RIT2: variants seen among roughly 807,000 people sequenced by gnomAD.
RIT2 encodes GTP-binding protein Rit2.
Under a neutral mutation model 23.7 loss-of-function variants are expected in RIT2, and 24 were observed. The ratio of observed to expected loss-of-function variants is 1.01; its 90% CI spans 0.73 to 1.43. The LOEUF (loss-of-function observed/expected upper bound fraction) is 1.43. Among genes scored for constraint, RIT2 ranks in the 40% most tolerant of loss-of-function variants. The pLI is 0.00. For missense variants in RIT2, 236 were observed against 266.9 expected, an observed-to-expected ratio of 0.88 and a Z score of 0.81; for synonymous variants, 107 against 91.1, an observed-to-expected ratio of 1.17 and a Z score of -0.99.
intron 2 of RIT2, among the ~76,000 whole-genome samples, chr18:42,981,779 A>G (rs946305360): frequency 3.3e-5 from 5 of 152,218 alleles, no homozygotes; most frequent in African/African-American, 1.2e-4. Flanking sequence ...TAAAATAAGC[A>G]ATAATAACAT....
chr18:42,869,361 C>A (rs1167576061), intron 4 of RIT2, among the ~76,000 whole-genome samples: 1 of 152,214 alleles, frequency 6.6e-6, no homozygotes, highest in Non-Finnish European at 1.5e-5. Flanking sequence ...TGCCCCACTG[C>A]TCATCTCCTG....
chr18:43,082,406 C>G (rs1913178414), intron 1 of RIT2, among the ~76,000 whole-genome samples: 2 of 152,134 alleles, frequency 1.3e-5, no homozygotes, highest in East Asian at 1.9e-4. Flanking sequence ...GATACCAAAA[C>G]CTAGCAGAGA....
At chr18:42,865,575 C>T (rs925183686) in intron 4 of RIT2, among the ~76,000 whole-genome samples, 7 of 151,888 alleles carry the variant, frequency 4.6e-5, no homozygotes, top group African/African-American at 4.8e-5. Context: ...GGACAACAAG[C>T]GCAAAAAATC....
At chr18:42,810,628 T>C (rs954576818) in intron 4 of RIT2, among the ~76,000 whole-genome samples, 1 of 151,960 alleles carries the variant, frequency 6.6e-6, no homozygotes, top group Non-Finnish European at 1.5e-5. Flanking sequence ...CTCACTGACC[T>C]CACTATAAAT....
chr18:42,785,206 T>G (rs1913896164), intron 4 of RIT2, among the ~76,000 whole-genome samples: 1 of 152,128 alleles, frequency 6.6e-6, no homozygotes, highest in Non-Finnish European at 1.5e-5. Flanking sequence ...ATTTTTGAAT[T>G]TCTAAAAGAT....
At chr18:42,788,086 A>G (rs1913962106) in intron 4 of RIT2, among the ~76,000 whole-genome samples, 1 of 152,088 alleles carries the variant, frequency 6.6e-6, no homozygotes, top group Non-Finnish European at 1.5e-5. Context: ...ATATGTTAAC[A>G]TAAATAACTT....
At chr18:42,982,725 A>G (rs548373484) in intron 2 of RIT2, among the ~76,000 whole-genome samples, 1 of 152,222 alleles carries the variant, frequency 6.6e-6, no homozygotes, top group African/African-American at 2.4e-5. Context: ...GTGTCTTTTG[A>G]GATTATTATC....
intron 2 of RIT2, among the ~76,000 whole-genome samples, chr18:42,986,156 C>T (rs1394983742): frequency 1.3e-5 from 2 of 151,348 alleles, no homozygotes; most frequent in African/African-American, 2.4e-5. Context: ...TCTCCTGCCT[C>T]GGCCTCCTGA....
intron 4 of RIT2, among the ~76,000 whole-genome samples, chr18:42,854,615 C>A (rs1215935828): frequency 1.3e-5 from 2 of 152,124 alleles, no homozygotes; most frequent in African/African-American, 4.8e-5. Flanking sequence ...TATTTCTCTG[C>A]ATATTTCTCT....
At chr18:42,960,865 A>G (rs192430397) in intron 3 of RIT2, among the ~76,000 whole-genome samples, 2 of 152,258 alleles carry the variant, frequency 1.3e-5, no homozygotes, top group Admixed American at 1.3e-4. Context: ...TAGGGGAAAA[A>G]TTGTCTTCTT....
chr18:43,069,224 T>C (rs1598770069), intron 1 of RIT2, among the ~76,000 whole-genome samples: 1 of 149,148 alleles, frequency 6.7e-6, no homozygotes, highest in Non-Finnish European at 1.5e-5. Flanking sequence ...TGTTATCCTA[T>C]ATATAAACAA....
intron 4 of RIT2, among the ~76,000 whole-genome samples, chr18:42,801,823 A>G (rs370463350): frequency 1.6e-4 from 25 of 152,312 alleles, no homozygotes; most frequent in African/African-American, 6.0e-4. Context: ...AGTGTTTCCC[A>G]TGATGCTGTT....
intron 4 of RIT2, among the ~76,000 whole-genome samples, chr18:42,759,854 C>G (rs867110397): frequency 6.6e-6 from 1 of 151,396 alleles, no homozygotes; most frequent in South Asian, 2.1e-4. Flanking sequence ...TTCGGCTCAC[C>G]GCAACCTCCG....
At chr18:42,834,049 A>T (rs1447279342) in intron 4 of RIT2, among the ~76,000 whole-genome samples, 1 of 152,176 alleles carries the variant, frequency 6.6e-6, no homozygotes, top group African/African-American at 2.4e-5. Context: ...TCAAACAAAG[A>T]GACGTAAAAT....
intron 3 of RIT2, among the ~76,000 whole-genome samples, chr18:42,965,363 T>C (rs1047426838): frequency 2.1e-4 from 32 of 152,192 alleles, no homozygotes; most frequent in Admixed American, 3.3e-4. Context: ...ATATGATCTA[T>C]ATGCTTCATT....
intron 4 of RIT2, among the ~76,000 whole-genome samples, chr18:42,917,595 G>A (rs1450240911): frequency 2.0e-5 from 3 of 152,088 alleles, no homozygotes; most frequent in South Asian, 2.1e-4. Flanking sequence ...TCCAACCAAC[G>A]ACAAGACTGA....
chr18:43,027,291 G>T (rs1911755905), intron 2 of RIT2, among the ~76,000 whole-genome samples: 1 of 152,034 alleles, frequency 6.6e-6, no homozygotes, highest in Admixed American at 6.6e-5. Context: ...AATGCGAAAG[G>T]CACTAGTAGA....
At chr18:42,995,408 T>C (rs1403076273) in intron 2 of RIT2, among the ~76,000 whole-genome samples, 1 of 152,140 alleles carries the variant, frequency 6.6e-6, no homozygotes, top group Non-Finnish European at 1.5e-5. Context: ...ACTGCATAGG[T>C]AGAGGCCTTT....
At chr18:42,784,983 T>C (rs1913892263) in intron 4 of RIT2, among the ~76,000 whole-genome samples, 1 of 152,240 alleles carries the variant, frequency 6.6e-6, no homozygotes, top group East Asian at 1.9e-4. Flanking sequence ...TTTCCAACTA[T>C]GAGTCACATA....
Sources: allele counts gnomAD v4.1 joint callset (sites outside exome capture counted in the v4.1 genomes callset), GRCh38; gene constraint gnomAD v4.1.1; transcripts MANE v1.5; gene names NCBI Gene and HGNC (gene_info 2026-07-23, HGNC 2026-07-21).